BRD10: variants seen among roughly 807,000 people sequenced by gnomAD.
BRD10 encodes the protein uncharacterized bromodomain-containing protein 10.
chr9:5,988,311 A>G, the BRD10 span: 5 of 1,529,878 alleles, frequency 3.3e-6, no homozygotes, highest in South Asian at 5.6e-5. Flanking sequence ...AAAATTATGC[A>G]GCTGAAATTA....
chr9:5,901,391 T>A, the BRD10 span, among the ~76,000 whole-genome samples: 1 of 152,236 alleles, frequency 6.6e-6, no homozygotes, highest in Non-Finnish European at 1.5e-5. Context: ...TTTCCCTTTA[T>A]CCCTCGTTTA....
the BRD10 span, among the ~76,000 whole-genome samples, chr9:5,928,659 T>G: frequency 2.0e-5 from 3 of 152,166 alleles, no homozygotes; most frequent in African/African-American, 7.2e-5. Context: ...GCTCCCTTCC[T>G]CATTTCTTTA....
the BRD10 span, among the ~76,000 whole-genome samples, chr9:6,006,008 A>C: frequency 6.6e-6 from 1 of 152,244 alleles, no homozygotes; most frequent in Non-Finnish European, 1.5e-5. Context: ...AGCCAATGAC[A>C]AAGGTTACTT....
At chr9:5,900,432 T>G in the BRD10 span, among the ~76,000 whole-genome samples, 1 of 152,222 alleles carries the variant, frequency 6.6e-6, no homozygotes, top group Non-Finnish European at 1.5e-5. Context: ...AAAGTCAGTT[T>G]GGAGATCAGC....
the BRD10 span, among the ~76,000 whole-genome samples, chr9:5,995,671 C>A: frequency 0.19 from 29,030 of 152,068 alleles, 2,979 homozygotes; most frequent in Middle Eastern, 0.3. Flanking sequence ...TTTTAGTCAA[C>A]CTTTCTATAC....
chr9:5,997,671 A>G, the BRD10 span, among the ~76,000 whole-genome samples: 2 of 152,098 alleles, frequency 1.3e-5, no homozygotes, highest in Non-Finnish European at 2.9e-5. Context: ...TGTTGCGACA[A>G]CTGGCTGGGT....
At chr9:5,995,808 T>C in the BRD10 span, among the ~76,000 whole-genome samples, 3 of 152,188 alleles carry the variant, frequency 2.0e-5, no homozygotes, top group Admixed American at 6.5e-5. Context: ...ATTATTCAAA[T>C]ATATTCATCA....
At chr9:5,920,679 G>T in the BRD10 span, 2 of 1,613,946 alleles carry the variant, frequency 1.2e-6, no homozygotes, top group South Asian at 1.1e-5. Flanking sequence ...GATACAGAAC[G>T]TGTGGCTCCT....
chr9:5,966,819 A>C, the BRD10 span, among the ~76,000 whole-genome samples: 6 of 152,318 alleles, frequency 3.9e-5, no homozygotes, highest in East Asian at 1.2e-3. Context: ...TAAAAAACAA[A>C]TGGATCGCTT....
the BRD10 span, among the ~76,000 whole-genome samples, chr9:5,894,510 C>G: frequency 6.6e-6 from 1 of 152,158 alleles, no homozygotes; most frequent in Admixed American, 6.5e-5. This position sits in a 1 kb window ranked among gnomAD's most constrained non-coding sequence, Gnocchi z 4.0. Flanking sequence ...GGACCCAGAT[C>G]TCTAAGGAGA....
At chr9:5,921,005 G>T in the BRD10 span, 1 of 1,613,902 alleles carries the variant, frequency 6.2e-7, no homozygotes, top group South Asian at 1.1e-5. Flanking sequence ...CACTGGAAAG[G>T]AACCCAAAGA....
the BRD10 span, among the ~76,000 whole-genome samples, chr9:5,953,697 T>TACAC: frequency 1.3e-5 from 2 of 150,778 alleles, no homozygotes; most frequent in Non-Finnish European, 3.0e-5. Context: ...TATATATACA[T>TACAC]ACACACACAC....
chr9:5,922,832 T>C, the BRD10 span: 1 of 1,613,992 alleles, frequency 6.2e-7, no homozygotes, highest in South Asian at 1.1e-5. Flanking sequence ...TGTATTGGTG[T>C]GGCAGGTCAA....
At chr9:6,007,566 C>T in the BRD10 span, 2 of 1,611,144 alleles carry the variant, frequency 1.2e-6, no homozygotes, top group East Asian at 2.2e-5. Context: ...CGTAGGTCAG[C>T]TCCTGCTCCT....
At chr9:5,954,127 T>A in the BRD10 span, 3 of 1,238,630 alleles carry the variant, frequency 2.4e-6, no homozygotes, top group Non-Finnish European at 2.3e-6. Flanking sequence ...ACCTTCATAA[T>A]GCTGTTTATA....
chr9:5,925,552 G>A, the BRD10 span, among the ~76,000 whole-genome samples: 1 of 151,770 alleles, frequency 6.6e-6, no homozygotes, highest in African/African-American at 2.4e-5. Flanking sequence ...CATCTTAAAA[G>A]GTCATTTAAA....
chr9:5,939,677 C>G, the BRD10 span, among the ~76,000 whole-genome samples: 1 of 152,160 alleles, frequency 6.6e-6, no homozygotes, highest in Non-Finnish European at 1.5e-5. Context: ...CAGCAGTGGA[C>G]AGAATGAAAG....
chr9:5,903,549 A>G, the BRD10 span, among the ~76,000 whole-genome samples: 1 of 152,038 alleles, frequency 6.6e-6, no homozygotes, highest in Non-Finnish European at 1.5e-5. Context: ...CTGATTTTTT[A>G]CCTGCTGGCT....
the BRD10 span, among the ~76,000 whole-genome samples, chr9:5,998,977 T>C: frequency 1.5e-4 from 23 of 152,152 alleles, no homozygotes; most frequent in Admixed American, 1.4e-3. Context: ...CGTTGTATTT[T>C]TTAAGGATTA....
Sources: allele counts gnomAD v4.1 joint callset (sites outside exome capture counted in the v4.1 genomes callset), GRCh38; gene constraint gnomAD v4.1.1; non-coding constraint Gnocchi (gnomAD v3.1); transcripts MANE v1.5; gene names NCBI Gene and HGNC (gene_info 2026-07-23, HGNC 2026-07-21).